Variants in TRPC4AP observed in about 807,000 individuals in gnomAD.
TRPC4AP encodes the protein transient receptor potential cation channel subfamily C member 4 associated protein.
In TRPC4AP, 45 loss-of-function variants were observed where a neutral mutation model predicts 99.0. The observed-to-expected ratio is 0.45, with a 90% CI of 0.36 to 0.58. TRPC4AP has a LOEUF of 0.58. Ranked by LOEUF, TRPC4AP falls within the 20% of genes least tolerant of loss-of-function variation. The probability of loss-of-function intolerance (pLI) is 0.00; values close to 1 mark genes in which losing one functional copy is unlikely to be tolerated. For missense variants in TRPC4AP, 879 were observed against 985.3 expected (o/e 0.89, Z 1.44); for synonymous variants, 408 against 385.8 (o/e 1.06, Z -0.67).
chr20:35,006,651 C>T lies in TRPC4AP; in HGVS notation c.1687-76G>A, dbSNP rs960109798. ...GGCCTGGCATGGAGCTCAGACCATG[C>T]ATTGGCTTTGAGCAAGCATCCTGGG... is the stretch of plus-strand genomic sequence containing the variant. On this transcript the variant is annotated intron_variant, in intron 14 of 18. Coordinates refer to ENST00000252015, the MANE Select transcript of TRPC4AP (RefSeq NM_015638.3). 10 of 1,556,272 alleles carry T rather than the reference C, an allele frequency of 6.4e-6. No homozygotes were observed. In the African/African-American group the frequency reaches 1.4e-4, roughly 21 times the overall value.
At chr20:35,050,176 A>G (rs2083660582) in intron 5 of TRPC4AP, among the ~76,000 whole-genome samples, 182 bp from the exon 6 acceptor site, 1 of 152,206 alleles carries the variant, frequency 6.6e-6, no homozygotes, top group South Asian at 2.1e-4. Flanking sequence ...ATGGAAGAAA[A>G]AAGTCTCCTG....
intron 1 of TRPC4AP, among the ~76,000 whole-genome samples, chr20:35,086,957 C>A (rs1237532351): frequency 6.7e-6 from 1 of 150,202 alleles, no homozygotes; most frequent in East Asian, 2.0e-4. Flanking sequence ...CGCTTGAACC[C>A]GGGAAGCGGA....
At chr20:35,028,148 C>T (rs117046905) in intron 8 of TRPC4AP, among the ~76,000 whole-genome samples, 2,760 of 152,080 alleles carry the variant, frequency 0.018, 32 homozygotes, top group Non-Finnish European at 0.03. Context: ...CCTCTAAGCA[C>T]GCTTTAGCTG....
At chr20:35,013,127 A>G in intron 10 of TRPC4AP, 61 bp from the exon 11 acceptor site, 1 of 1,524,444 alleles carries the variant, frequency 6.6e-7, no homozygotes, top group East Asian at 2.2e-5. Context: ...AAATAACACA[A>G]GCAGACACTC....
chr20:35,026,328 C>A (rs1407807883), intron 8 of TRPC4AP, among the ~76,000 whole-genome samples: 2 of 151,674 alleles, frequency 1.3e-5, no homozygotes, highest in African/African-American at 4.9e-5. Flanking sequence ...TACCCTCCCA[C>A]CTCAGCCTCT....
intron 11 of TRPC4AP, among the ~76,000 whole-genome samples, chr20:35,012,708 G>A (rs899246102): frequency 6.6e-6 from 1 of 152,202 alleles, no homozygotes; most frequent in Non-Finnish European, 1.5e-5. Flanking sequence ...TTGCTTTAGA[G>A]GGGCAGTAGG....
intron 8 of TRPC4AP, among the ~76,000 whole-genome samples, chr20:35,022,494 A>T (rs978862778): frequency 1.3e-5 from 2 of 152,204 alleles, no homozygotes; most frequent in Non-Finnish European, 2.9e-5. Context: ...GGTCAGAGTC[A>T]GGAGAGGCTA....
At chr20:35,020,490 C>T (rs1445433378) in intron 9 of TRPC4AP, among the ~76,000 whole-genome samples, 2 of 152,110 alleles carry the variant, frequency 1.3e-5, no homozygotes, top group Admixed American at 1.3e-4. Flanking sequence ...CTCTTCTGGA[C>T]GTTTTCATCC....
chr20:35,076,220 G>A (rs201111349), intron 2 of TRPC4AP, among the ~76,000 whole-genome samples: 2 of 139,096 alleles, frequency 1.4e-5, no homozygotes, highest in African/African-American at 2.8e-5. Context: ...CCTTTAGCTC[G>A]GAGAAGTTTG....
intron 6 of TRPC4AP, among the ~76,000 whole-genome samples, chr20:35,047,534 GT>G (rs962283271): frequency 2.0e-5 from 3 of 152,262 alleles, no homozygotes; most frequent in Non-Finnish European, 4.4e-5. Context: ...CTTGGTTTCA[GT>G]TTTTTGTTCT....
At chr20:35,053,533 C>T (rs1214335524) in intron 5 of TRPC4AP, among the ~76,000 whole-genome samples, 1 of 152,138 alleles carries the variant, frequency 6.6e-6, no homozygotes, top group Non-Finnish European at 1.5e-5. Flanking sequence ...ATTTCCTGAA[C>T]AATTTGAAAT....
At chr20:35,081,612 TA>T (rs2084649046) in intron 1 of TRPC4AP, among the ~76,000 whole-genome samples, 1 of 150,848 alleles carries the variant, frequency 6.6e-6, no homozygotes, top group Admixed American at 6.6e-5. Flanking sequence ...AGGCTAAAAG[TA>T]AAAGAATGGG....
chr20:35,013,919 C>G (rs565327307), intron 10 of TRPC4AP, among the ~76,000 whole-genome samples: 1 of 152,348 alleles, frequency 6.6e-6, no homozygotes, highest in South Asian at 2.1e-4. Context: ...CTCCCAAGAG[C>G]AGCAGAAACC....
In TRPC4AP at chr20:35,068,946, TAC is replaced by T. The variant is rs71196783; in HGVS notation, c.414+348_414+349del. Among the ~76,000 whole-genome samples, 235 of 113,154 alleles carry T rather than the reference TAC, an allele frequency of 2.1e-3. 1 individual carries two copies. The highest frequency in any genetic ancestry group is 0.013 in the Admixed American group (115 of 9,194). The allele number at this position is 113,154 out of a possible 152,430, so 74.2% of individuals were successfully genotyped here. A position where few individuals can be genotyped will look rare whatever the true frequency, so the allele number is the denominator to read the frequency against. On this transcript the variant is annotated intron_variant, in intron 3 of 18. Transcript: ENST00000252015. ...TAAGGTGGAGGTGGTGGGGAATATT[TAC>T]ACACACACACACACACACACACACA...
In TRPC4AP at chr20:35,013,032, A is replaced by G. The variant is rs1280888344; in HGVS notation, c.1385T>C (p.Leu462Pro). Residue 462 changes from leucine to proline, a missense_variant, in exon 11 of 19, where the codon CTT becomes CCT. By Grantham distance (98) the Leu-to-Pro change is moderately conservative. This residue lies in a region of TRPC4AP where 603 missense variants were observed against 631.8 expected (regional missense o/e 0.95). Coordinates refer to ENST00000252015, the MANE Select transcript of TRPC4AP (RefSeq NM_015638.3). ...CTCGTGGTGGTCACTGAAGCTCTGA[A>G]GAAGCCTCAAAAACTGTATCTTCAA... is the stretch of plus-strand genomic sequence containing the variant. ...ITLKIQFLRL[L>P]QSFSDHHENK... is the part of the protein sequence containing the mutation. 1.9e-6 allele frequency: 3 copies of G among 1,614,042 alleles called. No individual in the cohort carries two copies. Among genetic ancestry groups the G allele is most frequent in the African/African-American group, 1.3e-5 (1 of 74,940 alleles).
intron 2 of TRPC4AP, among the ~76,000 whole-genome samples, chr20:35,077,067 C>T (rs562317679): frequency 2.0e-5 from 3 of 152,296 alleles, no homozygotes; most frequent in East Asian, 1.9e-4. Context: ...CCAAGCCAGG[C>T]GCAGGATATA....
intron 7 of TRPC4AP, among the ~76,000 whole-genome samples, chr20:35,037,038 AACT>A (rs1353205553): frequency 6.7e-6 from 1 of 150,032 alleles, no homozygotes; most frequent in East Asian, 2.0e-4. Context: ...TATAAAATAA[AACT>A]ACATTGAGGT....
At chr20:35,057,296 A>G (rs991845323) in intron 4 of TRPC4AP, among the ~76,000 whole-genome samples, 2 of 152,232 alleles carry the variant, frequency 1.3e-5, no homozygotes, top group Non-Finnish European at 2.9e-5. Flanking sequence ...TCAAAAGTAC[A>G]AAGATGCATT....
intron 7 of TRPC4AP, among the ~76,000 whole-genome samples, chr20:35,037,131 G>A (rs901665758): frequency 1.3e-5 from 2 of 152,166 alleles, no homozygotes; most frequent in East Asian, 3.8e-4. Flanking sequence ...TGGATCACAA[G>A]GTCAGGAGAT....
Sources: allele counts gnomAD v4.1 joint callset (sites outside exome capture counted in the v4.1 genomes callset), GRCh38; gene constraint gnomAD v4.1.1; regional missense constraint gnomAD v4.1.1; transcripts MANE v1.5; gene names NCBI Gene and HGNC (gene_info 2026-07-23, HGNC 2026-07-21).